DOCK3: variants seen among roughly 807,000 people sequenced by gnomAD.
DOCK3 encodes dedicator of cytokinesis protein 3.
A neutral mutation model predicts 265.6 loss-of-function variants in DOCK3; 60 were observed. The ratio of observed to expected loss-of-function variants is 0.23; its 90% CI spans 0.18 to 0.28. DOCK3 has a LOEUF of 0.28. Ranked by LOEUF, DOCK3 falls within the 10% of genes least tolerant of loss-of-function variation. The pLI is 1.00. For synonymous variants in DOCK3, 881 were observed against 938.0 expected (o/e 0.94, Z 1.11); for missense variants, 1,981 against 2,594.3 (o/e 0.76, Z 5.14).
At chr3:51,076,676 G>A (rs73087213) in intron 7 of DOCK3, among the ~76,000 whole-genome samples, 6,998 of 152,192 alleles carry the variant, frequency 0.046, 222 homozygotes, top group Non-Finnish European at 0.069. Flanking sequence ...TACTCTAGTG[G>A]AATCAATAGA....
At chr3:51,181,287 C>T (rs2087278588) in intron 12 of DOCK3, among the ~76,000 whole-genome samples, 1 of 98,840 alleles carries the variant, frequency 1.0e-5, no homozygotes, top group Non-Finnish European at 1.8e-5. Context: ...TCCCTCCCCC[C>T]TCCCCCCACC....
intron 4 of DOCK3, among the ~76,000 whole-genome samples, chr3:50,922,129 G>T (rs764850882): frequency 6.6e-6 from 1 of 152,208 alleles, no homozygotes; most frequent in Non-Finnish European, 1.5e-5. Context: ...GCTGCCTTTT[G>T]TTCAGGTATG....
intron 5 of DOCK3, among the ~76,000 whole-genome samples, chr3:50,983,481 C>T (rs543388609): frequency 2.6e-4 from 39 of 152,114 alleles, no homozygotes; most frequent in Middle Eastern, 3.2e-3. Context: ...GCTGGACAGA[C>T]GATGGGATGA....
intron 9 of DOCK3, among the ~76,000 whole-genome samples, chr3:51,112,804 T>G (rs1028053992): frequency 6.6e-5 from 10 of 152,142 alleles, no homozygotes; most frequent in Admixed American, 2.6e-4. Context: ...TCCTGGCCAC[T>G]CTACAGATTA....
At chr3:51,162,371 A>G (rs2086182227) in intron 12 of DOCK3, among the ~76,000 whole-genome samples, 3 of 152,222 alleles carry the variant, frequency 2.0e-5, no homozygotes, top group Non-Finnish European at 4.4e-5. Flanking sequence ...TCAGAGTTGT[A>G]TACTTTATGG....
chr3:50,752,425 T>C (rs1436099306), intron 1 of DOCK3, among the ~76,000 whole-genome samples: 1 of 151,806 alleles, frequency 6.6e-6, no homozygotes, highest in Non-Finnish European at 1.5e-5. Flanking sequence ...AGGAGAATCA[T>C]TTGAATCCGG....
intron 1 of DOCK3, among the ~76,000 whole-genome samples, chr3:50,705,063 T>C (rs2036308700): frequency 6.6e-6 from 1 of 150,528 alleles, no homozygotes; most frequent in African/African-American, 2.4e-5. Context: ...TATTCCTTGT[T>C]CCTTTCTTCT....
At chr3:50,694,504 C>T (rs183873970) in intron 1 of DOCK3, among the ~76,000 whole-genome samples, 30 of 151,856 alleles carry the variant, frequency 2.0e-4, no homozygotes, top group African/African-American at 3.1e-4. Context: ...ATGGGTGGAG[C>T]GCATTAAAGA....
In DOCK3 at chr3:51,160,513, A is replaced by G. The variant is rs749131843; in HGVS notation, c.890-42A>G. ...CAATTAGGTGATACTGGAGAGGAGC[A>G]TGCTTTTCTCAGTCTGACTGGTGTT... On this transcript the variant is annotated intron_variant, in intron 11 of 52. Coordinates refer to ENST00000266037, the MANE Select transcript of DOCK3 (RefSeq NM_004947.5). The G allele has an allele frequency of 2.7e-5, 43 of 1,569,614 alleles. No individual in the cohort carries two copies. The African/African-American group carries it at 5.2e-4, about 19-fold the overall frequency.
rs9864002 is a variant in DOCK3, at chr3:50,763,429, C to T, written c.38-15246C>T. 3.1e-3 allele frequency among the ~76,000 whole-genome samples: 472 copies of T among 152,000 alleles called. 4 individuals carry two copies. Among genetic ancestry groups the T allele is most frequent in the African/African-American group, 0.011 (449 of 41,476 alleles). On this transcript the variant is annotated intron_variant, in intron 1 of 52. Transcript: ENST00000266037. ...TCCTGAGTAGCTGGGATTGCAGGTG[C>T]GCACCACCACACCTGGCTAACTTCT...
intron 5 of DOCK3, among the ~76,000 whole-genome samples, chr3:51,023,080 G>T (rs2079662532): frequency 6.6e-6 from 1 of 152,082 alleles, no homozygotes; most frequent in African/African-American, 2.4e-5. Flanking sequence ...GCTTCTTGTA[G>T]GTAGATATCC....
intron 5 of DOCK3, among the ~76,000 whole-genome samples, chr3:50,978,814 C>T (rs1189533387): frequency 6.6e-6 from 1 of 152,184 alleles, no homozygotes. Context: ...GGGCGTAGGA[C>T]CCTCCGAGCC....
intron 6 of DOCK3, among the ~76,000 whole-genome samples, chr3:51,070,072 CGACT>C (rs1166682803): frequency 6.6e-6 from 1 of 152,118 alleles, no homozygotes; most frequent in Non-Finnish European, 1.5e-5. Context: ...TATGTTCAAT[CGACT>C]GACTAACACA....
At chr3:51,314,950 G>A (rs1481497979) in intron 31 of DOCK3, 30 bp from the exon 32 acceptor site, 23 of 1,579,000 alleles carry the variant, frequency 1.5e-5, no homozygotes, top group East Asian at 2.3e-5. Flanking sequence ...AGCAAAGCAG[G>A]CATAAACTAA....
intron 2 of DOCK3, among the ~76,000 whole-genome samples, chr3:50,798,561 C>T (rs1168450365): frequency 1.3e-5 from 2 of 152,050 alleles, no homozygotes; most frequent in Non-Finnish European, 2.9e-5. Context: ...CTCATTTGCC[C>T]ATTTTGTAAT....
intron 2 of DOCK3, among the ~76,000 whole-genome samples, chr3:50,827,415 G>T (rs1428105207): frequency 1.3e-5 from 2 of 152,154 alleles, no homozygotes; most frequent in African/African-American, 4.8e-5. Context: ...CTCACATAGA[G>T]GAAGGGAGCA....
chr3:51,049,777 G>T, intron 5 of DOCK3, among the ~76,000 whole-genome samples: 1 of 150,410 alleles, frequency 6.6e-6, no homozygotes, highest in African/African-American at 2.5e-5. Context: ...CTTATGTGTA[G>T]AAAGCCCTAA....
At chr3:50,909,809 A>G (rs1003989350) in intron 4 of DOCK3, among the ~76,000 whole-genome samples, 2 of 151,758 alleles carry the variant, frequency 1.3e-5, no homozygotes, top group African/African-American at 4.9e-5. Flanking sequence ...ATCCTGAAGT[A>G]TGTTTTCCAA....
chr3:51,267,421 G>GT (rs1479868337), intron 23 of DOCK3, among the ~76,000 whole-genome samples: 2 of 122,526 alleles, frequency 1.6e-5, no homozygotes, highest in African/African-American at 3.2e-5. Context: ...TTTCACTCTT[G>GT]TTGCCCAAGC....
Sources: gnomAD v4.1 joint callset for allele counts (sites outside exome capture counted in the v4.1 genomes callset) on GRCh38, gnomAD v4.1.1 for gene constraint, MANE v1.5 for transcripts, NCBI Gene and HGNC (gene_info 2026-07-23, HGNC 2026-07-21) for gene names.